Variants in XPO4 observed in about 807,000 individuals in gnomAD.
The protein encoded by XPO4 is exportin-4.
A neutral mutation model predicts 143.0 loss-of-function variants in XPO4; 39 were observed. The ratio of observed to expected loss-of-function variants is 0.27; its 90% CI spans 0.21 to 0.36. The LOEUF (loss-of-function observed/expected upper bound fraction) is 0.36, where lower values mean the gene tolerates loss of function less well. Ranked by LOEUF, XPO4 falls within the 10% of genes least tolerant of loss-of-function variation. The pLI, the probability that XPO4 is intolerant of heterozygous loss-of-function variation, is 1.00. For missense variants in XPO4, 907 were observed against 1,348.0 expected, an observed-to-expected ratio of 0.67 and a Z score of 5.12; for synonymous variants, 439 against 474.0, an observed-to-expected ratio of 0.93 and a Z score of 0.96.
chr13:20,855,753 A>G lies in XPO4; in HGVS notation c.330T>C (p.Tyr110=), dbSNP rs530821284. ...YVLQRPNLQK[Y]VREQILLAVA... ...CTGCTAGTAGAATCTGTTCCCGAAC[A>G]TACTTTTGAAGGCTGTAAAACATAA... Residue 110 remains tyrosine, a synonymous_variant, in exon 4 of 23, where the codon TAT becomes TAC. Transcript: ENST00000255305. 7.5e-6 allele frequency: 12 copies of G among 1,596,512 alleles called. No individual in the cohort carries two copies. The South Asian group carries it at 1.4e-4, about 18-fold the overall frequency.
intron 4 of XPO4, chr13:20,849,598 T>C: frequency 1.0e-6 from 1 of 985,406 alleles, no homozygotes; most frequent in Non-Finnish European, 1.2e-6. Context: ...GTAACCTTTA[T>C]AATTATGGAA....
At chr13:20,867,514 T>C (rs955845743) in intron 2 of XPO4, among the ~76,000 whole-genome samples, 3 of 152,210 alleles carry the variant, frequency 2.0e-5, no homozygotes, top group Non-Finnish European at 4.4e-5. Flanking sequence ...GTATCGTTAT[T>C]GCCATAAGGC....
chr13:20,815,329 G>C (rs887411317), intron 9 of XPO4, among the ~76,000 whole-genome samples: 8 of 152,180 alleles, frequency 5.3e-5, no homozygotes, highest in African/African-American at 1.9e-4. Flanking sequence ...GCGATGATGT[G>C]TCAATGTCGT....
intron 4 of XPO4, among the ~76,000 whole-genome samples, chr13:20,845,361 C>T (rs2060020285): frequency 6.6e-6 from 1 of 152,174 alleles, no homozygotes; most frequent in Non-Finnish European, 1.5e-5. Context: ...ATCAAAGATG[C>T]CTTCTGCAAC....
intron 6 of XPO4, among the ~76,000 whole-genome samples, chr13:20,838,574 C>T (rs947152483): frequency 2.1e-5 from 3 of 145,082 alleles, no homozygotes; most frequent in African/African-American, 7.7e-5. Flanking sequence ...CATGCCACTG[C>T]ACTCCAGCGT....
chr13:20,853,966 A>C (rs944580807), intron 4 of XPO4, among the ~76,000 whole-genome samples: 1 of 152,174 alleles, frequency 6.6e-6, no homozygotes, highest in East Asian at 1.9e-4. Flanking sequence ...AATATCACAC[A>C]ATCAAAAATC....
At position 20,783,420 on chromosome 13, in the gene XPO4, T is replaced by C; in HGVS notation, c.*302A>G. The C allele has an allele frequency of 2.8e-6, 1 of 363,634 alleles. No individual in the cohort carries two copies. The highest frequency in any genetic ancestry group is 5.0e-6 in the Non-Finnish European group (1 of 199,170). 22.5% of individuals were successfully genotyped at this position (363,634 alleles called of 1,614,324 possible). On this transcript the variant is annotated 3_prime_UTR_variant, in exon 23 of 23. Coordinates refer to ENST00000255305, the MANE Select transcript of XPO4 (RefSeq NM_022459.5). ...TGTTAAAAGGAAAAAAGGCACTGCA[T>C]ATGTATTTCGTGGTGCCCATATCTG...
intron 3 of XPO4, chr13:20,856,344 T>C: frequency 1.0e-6 from 1 of 985,346 alleles, no homozygotes; most frequent in Non-Finnish European, 1.2e-6. Flanking sequence ...TTCAAAATGT[T>C]CATATCTAGG....
chr13:20,880,574 T>C (rs1038944835), intron 1 of XPO4, among the ~76,000 whole-genome samples: 2 of 152,198 alleles, frequency 1.3e-5, no homozygotes, highest in African/African-American at 4.8e-5. Context: ...AAAGCAATGC[T>C]TTAATAGACT....
At chr13:20,861,337 C>T (rs2060196336) in intron 3 of XPO4, among the ~76,000 whole-genome samples, 1 of 150,406 alleles carries the variant, frequency 6.6e-6, no homozygotes, top group Admixed American at 6.6e-5. Context: ...ACTCTGCCAC[C>T]TAGGCTGGAG....
chr13:20,889,189 T>C (rs1031452012), intron 1 of XPO4, among the ~76,000 whole-genome samples: 1 of 152,176 alleles, frequency 6.6e-6, no homozygotes, highest in African/African-American at 2.4e-5. Flanking sequence ...TAATTAAAAA[T>C]TTAGCTCCTC....
In XPO4 at chr13:20,788,604, A is replaced by C. The variant is rs768555790; in HGVS notation, c.2929T>G (p.Cys977Gly). Residue 977 changes from cysteine (C) to glycine (G), a missense_variant, in exon 20 of 23, where the codon TGT becomes GGT. Coordinates refer to ENST00000255305, the MANE Select transcript of XPO4 (RefSeq NM_022459.5). ...GTGATTAATTTGTAGTACTGATTAC[A>C]AAGGGTTGGAAACTGAAAAAGAAAT... ...SQDLLKFPTL[C>G]NQYYKLITFI... is the part of the protein sequence containing the mutation. 3.1e-6 allele frequency: 5 copies of C among 1,596,258 alleles called. No homozygotes were observed. The highest frequency in any genetic ancestry group is 4.3e-6 in the Non-Finnish European group (5 of 1,174,056).
chr13:20,848,066 A>C (rs984563385), intron 4 of XPO4: 2 of 273,720 alleles, frequency 7.3e-6, no homozygotes, highest in Non-Finnish European at 1.1e-5. Flanking sequence ...CCAGATCCCA[A>C]TGCTTGTTGA....
At chr13:20,825,171 C>T (rs1025190640) in intron 7 of XPO4, among the ~76,000 whole-genome samples, 5 of 151,720 alleles carry the variant, frequency 3.3e-5, no homozygotes, top group African/African-American at 9.7e-5. Context: ...TTTTCCAAGA[C>T]CTTATAGAAG....
chr13:20,885,763 C>G (rs748660751), intron 1 of XPO4, among the ~76,000 whole-genome samples: 2 of 151,840 alleles, frequency 1.3e-5, no homozygotes, highest in African/African-American at 2.4e-5. Flanking sequence ...ATGAAGCAAG[C>G]CTTTGTCTCT....
chr13:20,870,732 A>G (rs1028075842), intron 1 of XPO4, among the ~76,000 whole-genome samples: 2 of 151,828 alleles, frequency 1.3e-5, no homozygotes, highest in Admixed American at 6.6e-5. Context: ...TCTGCCTCAA[A>G]AAAAAAAAAA....
chr13:20,882,886 C>CAA (rs546935402), intron 1 of XPO4, among the ~76,000 whole-genome samples: 1,865 of 119,160 alleles, frequency 0.016, 47 homozygotes, highest in African/African-American at 0.054. Flanking sequence ...AACTCAGTCT[C>CAA]AAAAAAAAAA....
chr13:20,807,422 A>AAATTAC (rs2059521994), intron 13 of XPO4, 35 bp downstream of exon 13: 3 of 1,570,364 alleles, frequency 1.9e-6, no homozygotes, highest in Non-Finnish European at 2.6e-6. Flanking sequence ...AACAGTATAA[A>AAATTAC]AATTACAAGA....
intron 13 of XPO4, among the ~76,000 whole-genome samples, chr13:20,805,588 G>A (rs2059493502): frequency 6.6e-6 from 1 of 152,030 alleles, no homozygotes; most frequent in Non-Finnish European, 1.5e-5. Context: ...TCACCTTCTA[G>A]ATAAAGCCAA....
Sources: allele counts gnomAD v4.1 joint callset (sites outside exome capture counted in the v4.1 genomes callset), GRCh38; gene constraint gnomAD v4.1.1; transcripts MANE v1.5; gene names NCBI Gene and HGNC (gene_info 2026-07-23, HGNC 2026-07-21).